Variants in CLNK observed in about 807,000 individuals in gnomAD.
CLNK encodes the protein cytokine-dependent hematopoietic cell linker.
CLNK carries 74 observed loss-of-function variants against 68.6 expected under a neutral mutation model. The observed-to-expected ratio is 1.08, with a 90% CI of 0.89 to 1.31. The LOEUF is 1.31. Among genes scored for constraint, CLNK ranks in the 50% most tolerant of loss-of-function variants. The pLI is 0.00. For missense variants in CLNK, 553 were observed against 515.3 expected, an observed-to-expected ratio of 1.07 and a Z score of -0.71; for synonymous variants, 198 against 172.2, an observed-to-expected ratio of 1.15 and a Z score of -1.17.
chr4:10,573,929 C>A (rs1462432920), intron 4 of CLNK, among the ~76,000 whole-genome samples: 3 of 152,158 alleles, frequency 2.0e-5, no homozygotes, highest in Non-Finnish European at 4.4e-5. Flanking sequence ...CTCTGCTTTT[C>A]TCTCTGACTA....
In CLNK at chr4:10,566,004, G is replaced by A. The variant is rs186034623; in HGVS notation, c.292+5C>T. The A allele has an allele frequency of 3.0e-5, 48 of 1,613,194 alleles. No homozygotes were observed. In the East Asian group the frequency reaches 3.8e-4, roughly 13 times the overall value. ...TCTTATTTCAGGCAGACCCCCAAACGTTACCTGCATATTCAGATTCCTTTA... is the reference window on the plus strand; with the variant it reads ...TCTTATTTCAGGCAGACCCCCAAACATTACCTGCATATTCAGATTCCTTTA... On this transcript the variant is annotated splice_donor_5th_base_variant and intron_variant, in intron 6 of 18. Coordinates refer to ENST00000226951, the MANE Select transcript of CLNK (RefSeq NM_052964.4).
intron 2 of CLNK, among the ~76,000 whole-genome samples, chr4:10,615,003 T>C (rs1337570492): frequency 6.6e-6 from 1 of 151,852 alleles, no homozygotes; most frequent in African/African-American, 2.4e-5. Flanking sequence ...CTGGCCAACA[T>C]AGCAAAACGC....
At chr4:10,508,411 CAA>C (rs1460901307) in intron 16 of CLNK, among the ~76,000 whole-genome samples, 1 of 152,180 alleles carries the variant, frequency 6.6e-6, no homozygotes, top group Non-Finnish European at 1.5e-5. Flanking sequence ...TAGTCACATG[CAA>C]ACAGCAGGGA....
At chr4:10,667,108 T>G (rs1313661375) in intron 2 of CLNK, among the ~76,000 whole-genome samples, 1 of 152,098 alleles carries the variant, frequency 6.6e-6, no homozygotes, top group Non-Finnish European at 1.5e-5. Flanking sequence ...ATATCATCAT[T>G]CTCCAGTATC....
chr4:10,565,305 T>A (rs904499327), intron 6 of CLNK, among the ~76,000 whole-genome samples: 2 of 152,194 alleles, frequency 1.3e-5, no homozygotes, highest in African/African-American at 4.8e-5. Context: ...ACAAGAAAAG[T>A]CATCATCATT....
intron 1 of CLNK, among the ~76,000 whole-genome samples, chr4:10,682,292 G>C (rs13126573): frequency 0.81 from 123,778 of 152,060 alleles, 50,769 homozygotes; most frequent in Non-Finnish European, 0.87. Flanking sequence ...TAATTTAGCC[G>C]CTTTGAACAC....
intron 2 of CLNK, among the ~76,000 whole-genome samples, chr4:10,598,836 A>G (rs925327008): frequency 3.9e-5 from 6 of 152,170 alleles, no homozygotes; most frequent in Non-Finnish European, 7.4e-5. Context: ...CTCCTGACCA[A>G]CTGCCTCCTT....
At chr4:10,722,876 A>C in the CLNK span, among the ~76,000 whole-genome samples, 1 of 152,070 alleles carries the variant, frequency 6.6e-6, no homozygotes, top group Non-Finnish European at 1.5e-5. Context: ...ATGGCAAAAC[A>C]CCGTCTCTAC....
intron 15 of CLNK, among the ~76,000 whole-genome samples, chr4:10,519,185 T>C (rs1278655858): frequency 6.6e-6 from 1 of 152,192 alleles, no homozygotes; most frequent in African/African-American, 2.4e-5. Flanking sequence ...TGAGATGAGC[T>C]GAGAGGAACC....
At chr4:10,555,300 T>G (rs1168497519) in intron 8 of CLNK, among the ~76,000 whole-genome samples, 1 of 152,150 alleles carries the variant, frequency 6.6e-6, no homozygotes, top group Non-Finnish European at 1.5e-5. Flanking sequence ...TGGCTTAGAG[T>G]TTGTGTTTGG....
intron 2 of CLNK, among the ~76,000 whole-genome samples, chr4:10,654,047 A>G (rs1444048040): frequency 6.9e-6 from 1 of 144,514 alleles, no homozygotes; most frequent in Non-Finnish European, 1.5e-5. Flanking sequence ...TCCCCATTAC[A>G]TAGTCTCTTG....
the CLNK span, among the ~76,000 whole-genome samples, chr4:10,728,980 A>G: frequency 6.6e-6 from 1 of 152,170 alleles, no homozygotes; most frequent in East Asian, 1.9e-4. Context: ...ATCACTTTAT[A>G]CAGCAATTAA....
chr4:10,548,839 G>A (rs1329089597), intron 8 of CLNK, among the ~76,000 whole-genome samples: 1 of 152,172 alleles, frequency 6.6e-6, no homozygotes, highest in African/African-American at 2.4e-5. Context: ...ATCAATGCAT[G>A]CATTTATTTC....
chr4:10,637,907 C>G (rs1283175288), intron 2 of CLNK, among the ~76,000 whole-genome samples: 2 of 151,936 alleles, frequency 1.3e-5, no homozygotes, highest in Non-Finnish European at 2.9e-5. Flanking sequence ...GCGCCCGGCC[C>G]ATCATTCCTC....
At position 10,591,298 on chromosome 4, in the gene CLNK, T is replaced by G. The variant is rs566200540; in HGVS notation, c.84-6343A>C. On this transcript the variant is annotated intron_variant, in intron 3 of 18. Coordinates refer to ENST00000226951, the MANE Select transcript of CLNK (RefSeq NM_052964.4). Reference sequence around the variant, plus strand: ...GATGGCCTGGACAGACCGTTTATCTTGTTTCCCATGTGGCCACCAATGCCC... The same window carrying G: ...GATGGCCTGGACAGACCGTTTATCTGGTTTCCCATGTGGCCACCAATGCCC... Among the ~76,000 whole-genome samples, 24 of 152,356 alleles carry G rather than the reference T, an allele frequency of 1.6e-4. No individual in the cohort carries two copies. In the East Asian group the frequency reaches 4.2e-3, roughly 27 times the overall value.
chr4:10,571,848 C>T (rs1577137842), intron 4 of CLNK, 70 bp from the exon 5 acceptor site: 1 of 1,200,232 alleles, frequency 8.3e-7, no homozygotes, highest in East Asian at 2.4e-5. Flanking sequence ...AAGACTGGGC[C>T]CTTGTTTTTC....
intron 2 of CLNK, among the ~76,000 whole-genome samples, chr4:10,619,539 G>A (rs2108859731): frequency 6.6e-6 from 1 of 152,256 alleles, no homozygotes; most frequent in Non-Finnish European, 1.5e-5. Context: ...TTAAGTGTTG[G>A]AATTAGCTTC....
intron 8 of CLNK, among the ~76,000 whole-genome samples, chr4:10,549,596 G>T (rs2108813311): frequency 6.6e-6 from 1 of 152,258 alleles, no homozygotes; most frequent in Admixed American, 6.5e-5. Flanking sequence ...ATACTTCATG[G>T]AAATTCATGT....
chr4:10,602,212 G>A (rs1721611334), intron 2 of CLNK, among the ~76,000 whole-genome samples: 1 of 152,226 alleles, frequency 6.6e-6, no homozygotes, highest in Non-Finnish European at 1.5e-5. Context: ...TTTCCCCTGT[G>A]AAAATGTCTT....
Sources: allele counts gnomAD v4.1 joint callset (sites outside exome capture counted in the v4.1 genomes callset), GRCh38; gene constraint gnomAD v4.1.1; transcripts MANE v1.5; gene names NCBI Gene and HGNC (gene_info 2026-07-23, HGNC 2026-07-21).